DPP6: variants seen among roughly 807,000 people sequenced by gnomAD.
DPP6 encodes A-type potassium channel modulatory protein DPP6.
Under a neutral mutation model 122.6 loss-of-function variants are expected in DPP6, and 69 were observed. The ratio of observed to expected loss-of-function variants is 0.56; its 90% CI spans 0.46 to 0.69. The LOEUF (loss-of-function observed/expected upper bound fraction) is 0.69. DPP6 is among the 30% of genes least tolerant of loss of function. DPP6 has a pLI of 0.00. For synonymous variants in DPP6, 418 were observed against 433.1 expected (o/e 0.97, Z 0.43); for missense variants, 928 against 1,116.9 (o/e 0.83, Z 2.41).
chr7:154,629,859 C>G, intron 5 of DPP6, among the ~76,000 whole-genome samples: 1 of 152,204 alleles, frequency 6.6e-6, no homozygotes, highest in East Asian at 1.9e-4. Flanking sequence ...GGGTAACAAT[C>G]TCAGTCATTG....
chr7:153,816,721 T>A, the DPP6 span, among the ~76,000 whole-genome samples: 10 of 152,166 alleles, frequency 6.6e-5, 1 homozygote, highest in Admixed American at 5.9e-4. Flanking sequence ...AGTAGAGGAA[T>A]CCATGGCTCA....
intron 5 of DPP6, among the ~76,000 whole-genome samples, chr7:154,634,920 G>A (rs1222981580): frequency 6.6e-6 from 1 of 152,158 alleles, no homozygotes. Context: ...ACTGTTTCTA[G>A]ATGGATTAAA....
Position 154,074,523 on chromosome 7 carries a change from T to C in DPP6, c.243+21460T>C, listed in dbSNP as rs1203805952. ...TTGGTCATATTTACACAGTTCTTGTTACCAGCTGGGCTGTTTTAAACAACT... is the reference window on the plus strand; with the variant it reads ...TTGGTCATATTTACACAGTTCTTGTCACCAGCTGGGCTGTTTTAAACAACT... On this transcript the variant is annotated intron_variant, in intron 1 of 25. Coordinates refer to ENST00000377770, the MANE Select transcript of DPP6 (RefSeq NM_130797.4). Among the ~76,000 whole-genome samples, 11 of 152,362 alleles carry C rather than the reference T, an allele frequency of 7.2e-5. No individual in the cohort carries two copies. The South Asian group carries it at 2.3e-3, about 32-fold the overall frequency.
At position 154,223,031 on chromosome 7, in the gene DPP6, C is replaced by T. The variant is rs1800395435; in HGVS notation, c.243+169968C>T. On this transcript the variant is annotated intron_variant, in intron 1 of 25. Coordinates refer to ENST00000377770, the MANE Select transcript of DPP6 (RefSeq NM_130797.4). ...AAGCAACCCAGTGAGGCTGTGGAAC[C>T]TGCATTGAAAATTGTTGAGGTAGAA... Among the ~76,000 whole-genome samples the T allele has an allele frequency of 1.3e-5, 2 of 149,044 alleles. 1 individual carries two copies. Among genetic ancestry groups the T allele is most frequent in the South Asian group, 4.2e-4 (2 of 4,730 alleles).
chr7:154,151,435 T>C (rs572832798), intron 1 of DPP6, among the ~76,000 whole-genome samples: 1 of 152,276 alleles, frequency 6.6e-6, no homozygotes, highest in Admixed American at 6.5e-5. Flanking sequence ...ATACTGTCAC[T>C]TCTTAGAAAA....
chr7:154,120,212 A>G (rs1037263314), intron 1 of DPP6, among the ~76,000 whole-genome samples: 5 of 149,926 alleles, frequency 3.3e-5, no homozygotes, highest in Admixed American at 6.6e-5. Context: ...TATGATTTCT[A>G]TATTCGTCAT....
the DPP6 span, among the ~76,000 whole-genome samples, chr7:153,839,707 C>T: frequency 7.9e-5 from 12 of 152,298 alleles, no homozygotes; most frequent in South Asian, 4.1e-4. Context: ...CCTAAATCAT[C>T]GCGTGCTCAT....
intron 1 of DPP6, among the ~76,000 whole-genome samples, chr7:153,913,656 G>C (rs188829217): frequency 2.7e-5 from 4 of 145,664 alleles, no homozygotes; most frequent in Non-Finnish European, 6.0e-5. Flanking sequence ...CAAGGTAAAA[G>C]ACTACTGAAT....
At chr7:154,128,436 C>T (rs1808096185) in intron 1 of DPP6, among the ~76,000 whole-genome samples, 1 of 152,212 alleles carries the variant, frequency 6.6e-6, no homozygotes, top group African/African-American at 2.4e-5. Context: ...GAGTCTCGCC[C>T]TATCACCCAG....
At chr7:154,878,231 T>TC (rs1805053854) in intron 20 of DPP6, among the ~76,000 whole-genome samples, 3 of 152,092 alleles carry the variant, frequency 2.0e-5, no homozygotes, top group Admixed American at 2.0e-4. Flanking sequence ...CCTGGCATCT[T>TC]CCCCAAAGAG....
At chr7:154,746,454 G>C (rs568296218) in intron 8 of DPP6, among the ~76,000 whole-genome samples, 1 of 152,246 alleles carries the variant, frequency 6.6e-6, no homozygotes, top group African/African-American at 2.4e-5. Flanking sequence ...CGTGAGGTCT[G>C]CACCCCTCAC....
intron 11 of DPP6, among the ~76,000 whole-genome samples, chr7:154,794,602 C>T (rs1278044926): frequency 4.6e-5 from 7 of 152,364 alleles, no homozygotes; most frequent in Admixed American, 4.6e-4. Flanking sequence ...CCCCAGCGGG[C>T]TCCAGGCGTG....
In DPP6 at chr7:154,618,855, A is replaced by G. The variant is rs1265348242; in HGVS notation, c.628-18966A>G. ...GACTTGCCCAGAGTTACACACTGATATGGTTTAGCTGTGTCCCCACCCAAA... is the reference window on the plus strand; with the variant it reads ...GACTTGCCCAGAGTTACACACTGATGTGGTTTAGCTGTGTCCCCACCCAAA... On this transcript the variant is annotated intron_variant, in intron 5 of 25. Transcript: ENST00000377770. The surrounding 1 kb of genome is among the most constrained non-coding windows in gnomAD (Gnocchi z 4.1). Among the ~76,000 whole-genome samples, 1 of 152,198 alleles carries G rather than the reference A, an allele frequency of 6.6e-6. No individual in the cohort carries two copies. Among genetic ancestry groups the G allele is most frequent in the Non-Finnish European group, 1.5e-5 (1 of 68,048 alleles).
At chr7:154,003,231 A>C (rs1242325597) in intron 1 of DPP6, among the ~76,000 whole-genome samples, 1 of 152,178 alleles carries the variant, frequency 6.6e-6, no homozygotes, top group Non-Finnish European at 1.5e-5. Flanking sequence ...ACTCCTTACG[A>C]AGCAGTCTAG....
chr7:154,494,424 A>G (rs1018329831), intron 3 of DPP6, among the ~76,000 whole-genome samples: 2 of 148,968 alleles, frequency 1.3e-5, no homozygotes, highest in African/African-American at 4.9e-5. Flanking sequence ...ATATATTTAT[A>G]TATATATGTA....
chr7:153,795,241 C>T, the DPP6 span, among the ~76,000 whole-genome samples: 1 of 152,144 alleles, frequency 6.6e-6, no homozygotes, highest in Non-Finnish European at 1.5e-5. Flanking sequence ...ATGGTGCAAC[C>T]CCGTCTCTAC....
chr7:154,284,752 G>A (rs1213644534), intron 1 of DPP6, among the ~76,000 whole-genome samples: 4 of 152,192 alleles, frequency 2.6e-5, no homozygotes, highest in Non-Finnish European at 4.4e-5. Flanking sequence ...CTACTTGGGA[G>A]GCCAAGGCAG....
chr7:154,627,000 C>CTTTTT lies in DPP6; in HGVS notation c.628-10794_628-10790dup, dbSNP rs552919287. Among the ~76,000 whole-genome samples, 124 of 52,138 alleles carry CTTTTT rather than the reference C, an allele frequency of 2.4e-3. 12 individuals are homozygous for CTTTTT. Among genetic ancestry groups the CTTTTT allele is most frequent in the Non-Finnish European group, 2.5e-3 (76 of 29,814 alleles). 34.2% of individuals were successfully genotyped at this position (52,138 alleles called of 152,430 possible). On this transcript the variant is annotated intron_variant, in intron 5 of 25. Transcript: ENST00000377770. ...ATCTGGGGTCCATTAGAAATTTTTTCTTTTTTTTTTTTTTTTTTTTTTTTT... is the reference window on the plus strand; with the variant it reads ...ATCTGGGGTCCATTAGAAATTTTTTCTTTTTTTTTTTTTTTTTTTTTTTTTTTTTT...
chr7:153,988,514 C>A (rs1444777449), intron 1 of DPP6, among the ~76,000 whole-genome samples: 1 of 152,176 alleles, frequency 6.6e-6, no homozygotes, highest in African/African-American at 2.4e-5. Context: ...ATTTGTTTGT[C>A]TTCCAAGTTC....
Sources: allele counts gnomAD v4.1 joint callset (sites outside exome capture counted in the v4.1 genomes callset), GRCh38; gene constraint gnomAD v4.1.1; non-coding constraint Gnocchi (gnomAD v3.1); transcripts MANE v1.5; gene names NCBI Gene and HGNC (gene_info 2026-07-23, HGNC 2026-07-21).